Variants in GALNT13 observed in about 807,000 individuals in gnomAD.
The protein encoded by GALNT13 is polypeptide N-acetylgalactosaminyltransferase 13.
GALNT13 carries 28 observed loss-of-function variants against 64.2 expected under a neutral mutation model. That is an observed-to-expected ratio of 0.44 (90% CI 0.32 to 0.60). GALNT13 has a LOEUF of 0.60. Ranked by LOEUF, GALNT13 falls within the 20% of genes least tolerant of loss-of-function variation. The pLI is 0.05. For synonymous variants in GALNT13, 214 were observed against 224.6 expected (o/e 0.95, Z 0.42); for missense variants, 577 against 669.8 (o/e 0.86, Z 1.53).
At chr2:153,782,243 CAT>C in the GALNT13 span, among the ~76,000 whole-genome samples, 1 of 152,116 alleles carries the variant, frequency 6.6e-6, no homozygotes, top group South Asian at 2.1e-4. Flanking sequence ...TCTTTCTATG[CAT>C]CATAGATCAA....
rs549018753 is a variant in GALNT13 at position 154,310,285 on chromosome 2, G to A, written c.1156+8696G>A. 1.2e-4 allele frequency among the ~76,000 whole-genome samples: 19 copies of A among 152,066 alleles called. No individual in the cohort carries two copies. In the East Asian group the frequency reaches 3.7e-3, roughly 29 times the overall value. On this transcript the variant is annotated intron_variant, in intron 9 of 12. Transcript: ENST00000392825. ...GTTTTATTGTTTTTTGTTTGATTTTGTCTTTAGAGCTTACTGAGCTCAAAT... is the reference window on the plus strand; with the variant it reads ...GTTTTATTGTTTTTTGTTTGATTTTATCTTTAGAGCTTACTGAGCTCAAAT...
intron 2 of GALNT13, among the ~76,000 whole-genome samples, chr2:153,938,847 C>A (rs1363981569): frequency 6.6e-6 from 1 of 152,132 alleles, no homozygotes; most frequent in Non-Finnish European, 1.5e-5. Context: ...TCCCCTATTT[C>A]CAAATATGGT....
intron 3 of GALNT13, among the ~76,000 whole-genome samples, chr2:153,973,077 C>A (rs556641958): frequency 1.3e-5 from 2 of 151,854 alleles, no homozygotes; most frequent in African/African-American, 4.8e-5. Flanking sequence ...ATATTTAATT[C>A]TTCTATGTAA....
intron 1 of GALNT13, among the ~76,000 whole-genome samples, chr2:153,883,825 T>C (rs1386184392): frequency 6.6e-6 from 1 of 152,142 alleles, no homozygotes; most frequent in Non-Finnish European, 1.5e-5. Context: ...GGACTTTAGT[T>C]GGCTCCAAAA....
the GALNT13 span, among the ~76,000 whole-genome samples, chr2:153,260,146 A>G: frequency 1.6e-4 from 24 of 152,116 alleles, no homozygotes; most frequent in Admixed American, 3.9e-4. Flanking sequence ...ACTTCTATTT[A>G]TATCCTATTA....
the GALNT13 span, among the ~76,000 whole-genome samples, chr2:153,722,057 G>A: frequency 6.7e-6 from 1 of 149,806 alleles, no homozygotes; most frequent in African/African-American, 2.5e-5. Flanking sequence ...ATAGTTGGAA[G>A]TAAAGCTCTC....
chr2:154,291,855 C>T (rs74483996), intron 8 of GALNT13, among the ~76,000 whole-genome samples: 22,655 of 152,310 alleles, frequency 0.15, 2,189 homozygotes, highest in East Asian at 0.3. Context: ...ACGTTGTCAC[C>T]TCTCGATGTG....
the GALNT13 span, among the ~76,000 whole-genome samples, chr2:153,155,206 A>G: frequency 6.6e-6 from 1 of 151,884 alleles, no homozygotes; most frequent in African/African-American, 2.4e-5. Flanking sequence ...GTGTGTCTGC[A>G]AGGTTTTTGT....
chr2:154,452,881 C>G lies in GALNT13; in HGVS notation c.*2330C>G, dbSNP rs187273526. ...TGGATTCATAATGCACTTGTCTTATCCCTTATTTATGGAGCTAGACTGACA... is the reference window on the plus strand; with the variant it reads ...TGGATTCATAATGCACTTGTCTTATGCCTTATTTATGGAGCTAGACTGACA... On this transcript the variant is annotated 3_prime_UTR_variant, in exon 13 of 13. Transcript: ENST00000392825. The G allele has an allele frequency of 4.6e-5, 7 of 152,222 alleles. No individual in the cohort carries two copies. The highest frequency in any genetic ancestry group is 3.3e-4 in the Admixed American group (5 of 15,268). 9.4% of individuals were successfully genotyped at this position (152,222 alleles called of 1,614,324 possible).
chr2:153,800,083 T>TCTCTCTCTCC, the GALNT13 span, among the ~76,000 whole-genome samples: 2 of 132,360 alleles, frequency 1.5e-5, no homozygotes, highest in Non-Finnish European at 3.3e-5. Flanking sequence ...TCTCTCTCTC[T>TCTCTCTCTCC]CCACCCCCCA....
chr2:153,286,908 A>G, the GALNT13 span, among the ~76,000 whole-genome samples: 7 of 152,212 alleles, frequency 4.6e-5, no homozygotes, highest in Non-Finnish European at 4.4e-5. Context: ...AAAATGATTT[A>G]AAGCTGCTAA....
the GALNT13 span, among the ~76,000 whole-genome samples, chr2:153,833,402 A>G: frequency 6.6e-6 from 1 of 152,176 alleles, no homozygotes; most frequent in Non-Finnish European, 1.5e-5. Flanking sequence ...TCTATTTAAA[A>G]GTAGAAACAT....
chr2:153,806,444 T>G, the GALNT13 span, among the ~76,000 whole-genome samples: 1 of 152,056 alleles, frequency 6.6e-6, no homozygotes, highest in Non-Finnish European at 1.5e-5. Context: ...TGTCTCTTTA[T>G]AATAATATTC....
the GALNT13 span, among the ~76,000 whole-genome samples, chr2:153,697,003 G>A: frequency 1.3e-5 from 2 of 152,082 alleles, no homozygotes; most frequent in East Asian, 1.9e-4. Flanking sequence ...AAGTAATAAC[G>A]GTTGTGTGAA....
chr2:154,160,649 C>T (rs1172380176), intron 4 of GALNT13, among the ~76,000 whole-genome samples: 1 of 151,958 alleles, frequency 6.6e-6, no homozygotes, highest in African/African-American at 2.4e-5. Flanking sequence ...ATTTTATGGC[C>T]ATTAAACATT....
the GALNT13 span, among the ~76,000 whole-genome samples, chr2:153,473,853 A>G: frequency 5.3e-4 from 81 of 152,340 alleles, no homozygotes; most frequent in African/African-American, 1.9e-3. Context: ...AGAGTCTTCA[A>G]ACACCCTAGT....
At chr2:153,117,515 A>T in the GALNT13 span, among the ~76,000 whole-genome samples, 2 of 152,162 alleles carry the variant, frequency 1.3e-5, no homozygotes, top group African/African-American at 4.8e-5. Context: ...TATAAAACTT[A>T]CTCATGGAAA....
At chr2:154,177,898 A>G (rs1319493607) in intron 4 of GALNT13, among the ~76,000 whole-genome samples, 1 of 152,186 alleles carries the variant, frequency 6.6e-6, no homozygotes, top group East Asian at 1.9e-4. Flanking sequence ...GGACACACCA[A>G]CTTGCTTCAA....
chr2:154,440,223 T>G (rs560251043), intron 12 of GALNT13, among the ~76,000 whole-genome samples: 36 of 152,264 alleles, frequency 2.4e-4, no homozygotes, highest in Non-Finnish European at 4.9e-4. Flanking sequence ...AATATATTTA[T>G]TAAGAAAGGG....
Sources: allele counts gnomAD v4.1 joint callset (sites outside exome capture counted in the v4.1 genomes callset), GRCh38; gene constraint gnomAD v4.1.1; transcripts MANE v1.5; gene names NCBI Gene and HGNC (gene_info 2026-07-23, HGNC 2026-07-21).